ADAMTS19: variants seen among roughly 807,000 people sequenced by gnomAD.
ADAMTS19 encodes A disintegrin and metalloproteinase with thrombospondin motifs 19.
In ADAMTS19, 93 loss-of-function variants were observed where a neutral mutation model predicts 153.3. The ratio of observed to expected loss-of-function variants is 0.61; its 90% CI spans 0.51 to 0.72. ADAMTS19 has a LOEUF of 0.72. Ranked by LOEUF, ADAMTS19 falls within the 30% of genes least tolerant of loss-of-function variation. The probability of loss-of-function intolerance (pLI) is 0.00; values close to 1 mark genes in which losing one functional copy is unlikely to be tolerated. For synonymous variants in ADAMTS19, 600 were observed against 556.6 expected, an observed-to-expected ratio of 1.08 and a Z score of -1.10; for missense variants, 1,482 against 1,552.1, an observed-to-expected ratio of 0.95 and a Z score of 0.76.
chr5:129,565,055 T>A (rs974521161), intron 7 of ADAMTS19, among the ~76,000 whole-genome samples: 8 of 152,218 alleles, frequency 5.3e-5, no homozygotes, highest in African/African-American at 1.9e-4. Flanking sequence ...TTGATGAACA[T>A]GTTTAAGATA....
chr5:129,476,061 G>T (rs572462373), intron 2 of ADAMTS19, among the ~76,000 whole-genome samples: 1 of 151,866 alleles, frequency 6.6e-6, no homozygotes, highest in Non-Finnish European at 1.5e-5. Context: ...CTAGAGAATT[G>T]GTAGGGTGTG....
chr5:129,657,982 C>T (rs1443009002), intron 14 of ADAMTS19, among the ~76,000 whole-genome samples: 1 of 152,042 alleles, frequency 6.6e-6, no homozygotes, highest in Non-Finnish European at 1.5e-5. Flanking sequence ...TCATTTAATA[C>T]TTACTATAAA....
chr5:129,554,101 A>G (rs1275378024), intron 7 of ADAMTS19, among the ~76,000 whole-genome samples: 2 of 152,216 alleles, frequency 1.3e-5, no homozygotes, highest in African/African-American at 4.8e-5. Context: ...GATTCGAAGT[A>G]TAGGAGAGGA....
chr5:129,610,990 T>C (rs1751183738), intron 8 of ADAMTS19, among the ~76,000 whole-genome samples: 1 of 152,182 alleles, frequency 6.6e-6, no homozygotes, highest in Non-Finnish European at 1.5e-5. Context: ...TTCTAACTGG[T>C]GTGAGATGGT....
intron 19 of ADAMTS19, among the ~76,000 whole-genome samples, chr5:129,700,000 C>A: frequency 6.6e-6 from 1 of 152,032 alleles, no homozygotes; most frequent in African/African-American, 2.4e-5. Flanking sequence ...TACAAATAAC[C>A]TCGGGGATTC....
intron 21 of ADAMTS19, among the ~76,000 whole-genome samples, chr5:129,725,913 T>C (rs1213608948): frequency 1.3e-5 from 2 of 152,138 alleles, no homozygotes; most frequent in Non-Finnish European, 2.9e-5. Flanking sequence ...ACAGAGAAGA[T>C]TGTACTTTCC....
chr5:129,521,585 G>T (rs947960107), intron 3 of ADAMTS19, among the ~76,000 whole-genome samples: 1 of 152,028 alleles, frequency 6.6e-6, no homozygotes, highest in African/African-American at 2.4e-5. Flanking sequence ...CCAAAGAATT[G>T]GTTTAACATC....
rs1406087865 is a variant in ADAMTS19 at position 129,600,118 on chromosome 5, G to GA, written c.1478+3460dup. Among the ~76,000 whole-genome samples the GA allele has an allele frequency of 9.9e-5, 15 of 152,126 alleles. No homozygotes were observed. In the East Asian group the frequency reaches 2.9e-3, roughly 29 times the overall value. On this transcript the variant is annotated intron_variant, in intron 8 of 22. Transcript: ENST00000274487. ...AAGAAATGAAGAAAGAAGAATACAA[G>GA]AAAAAATGTCCATATGCTCATAGTC...
intron 18 of ADAMTS19, among the ~76,000 whole-genome samples, chr5:129,687,799 G>A (rs1260345425): frequency 6.6e-6 from 1 of 152,112 alleles, no homozygotes; most frequent in East Asian, 1.9e-4. Context: ...ACAAAATACA[G>A]CATGTCTTCT....
At chr5:129,726,940 C>A (rs1757234594) in intron 21 of ADAMTS19, among the ~76,000 whole-genome samples, 1 of 152,092 alleles carries the variant, frequency 6.6e-6, no homozygotes, top group Non-Finnish European at 1.5e-5. Flanking sequence ...GATGTAAGCT[C>A]CTGGGGGCCC....
At position 129,503,123 on chromosome 5, in the gene ADAMTS19, G is replaced by A. The variant is rs144965703; in HGVS notation, c.748-5954G>A. On this transcript the variant is annotated intron_variant, in intron 2 of 22. Coordinates refer to ENST00000274487, the MANE Select transcript of ADAMTS19 (RefSeq NM_133638.6). ...TTGTTCACATAGTAAAAGCTTGTCT[G>A]TTATTGTTATATATGAAGTTTGAGT... Among the ~76,000 whole-genome samples the A allele has an allele frequency of 1.2e-3, 178 of 152,298 alleles. 1 individual carries two copies. The highest frequency in any genetic ancestry group is 4.1e-3 in the African/African-American group (170 of 41,572).
At chr5:129,639,032 A>T (rs1028046681) in intron 10 of ADAMTS19, among the ~76,000 whole-genome samples, 1 of 152,158 alleles carries the variant, frequency 6.6e-6, no homozygotes, top group Non-Finnish European at 1.5e-5. Context: ...ACAAAGGAAT[A>T]TCGTATTATT....
At chr5:129,692,552 T>G (rs1482149862) in intron 18 of ADAMTS19, among the ~76,000 whole-genome samples, 1 of 152,198 alleles carries the variant, frequency 6.6e-6, no homozygotes, top group South Asian at 2.1e-4. Flanking sequence ...GGTCACCTTG[T>G]TGCATGAGCT....
chr5:129,737,201 C>T lies in ADAMTS19; in HGVS notation c.3625C>T (p.Leu1209=). 1 of 1,603,552 alleles carries T rather than the reference C, an allele frequency of 6.2e-7. No homozygotes were observed. The highest frequency in any genetic ancestry group is 1.1e-5 in the South Asian group (1 of 89,888). The change falls in exon 23 of 23, where the codon CTG becomes TTG. Residue 1209 remains leucine, a synonymous_variant. Coordinates refer to ENST00000274487, the MANE Select transcript of ADAMTS19 (RefSeq NM_133638.6). ...ATGCAGGGACTTCTATGCCCAAAAG[C>T]TGCAGCAGAAGAGTTGACCTCTAGC... is the stretch of plus-strand genomic sequence containing the variant. The part of the protein sequence containing the change: ...ETCRDFYAQK[L]QQKS
At chr5:129,687,900 A>G (rs1171067424) in intron 18 of ADAMTS19, among the ~76,000 whole-genome samples, 1 of 152,160 alleles carries the variant, frequency 6.6e-6, no homozygotes, top group Non-Finnish European at 1.5e-5. Context: ...TTTTACTTCA[A>G]ATGGCTGATT....
At chr5:129,498,798 A>G (rs1418847762) in intron 2 of ADAMTS19, among the ~76,000 whole-genome samples, 1 of 134,166 alleles carries the variant, frequency 7.5e-6, no homozygotes, top group Admixed American at 7.4e-5. Context: ...CATTCACTCT[A>G]TTTTTTTTTT....
intron 11 of ADAMTS19, among the ~76,000 whole-genome samples, chr5:129,642,330 T>C (rs1752829263): frequency 6.6e-6 from 1 of 152,088 alleles, no homozygotes; most frequent in Admixed American, 6.6e-5. Flanking sequence ...TTTTCAAGTA[T>C]AAAATAATTG....
intron 16 of ADAMTS19, among the ~76,000 whole-genome samples, chr5:129,667,852 A>G (rs1198484627): frequency 6.6e-6 from 1 of 152,192 alleles, no homozygotes; most frequent in East Asian, 1.9e-4. Flanking sequence ...CAAATAAAAA[A>G]TTTGATTTCC....
chr5:129,635,813 A>G (rs1158973844), intron 10 of ADAMTS19, among the ~76,000 whole-genome samples: 1 of 152,184 alleles, frequency 6.6e-6, no homozygotes, highest in East Asian at 1.9e-4. Context: ...AGGTGATGAA[A>G]TAAACTATAC....
Sources: gnomAD v4.1 joint callset for allele counts (sites outside exome capture counted in the v4.1 genomes callset) on GRCh38, gnomAD v4.1.1 for gene constraint, MANE v1.5 for transcripts, NCBI Gene and HGNC (gene_info 2026-07-23, HGNC 2026-07-21) for gene names.